Variants in FRMD4A observed in about 807,000 individuals in gnomAD.
The protein encoded by FRMD4A is FERM domain-containing protein 4A.
In FRMD4A, 29 loss-of-function variants were observed where a neutral mutation model predicts 129.1. That is an observed-to-expected ratio of 0.22 (90% CI 0.17 to 0.31). FRMD4A has a LOEUF of 0.31. FRMD4A is among the 10% of genes least tolerant of loss of function. The pLI, the probability that FRMD4A is intolerant of heterozygous loss-of-function variation, is 1.00. For missense variants in FRMD4A, 1,272 were observed against 1,375.8 expected (o/e 0.92, Z 1.19); for synonymous variants, 634 against 571.6 (o/e 1.11, Z -1.56).
intron 8 of FRMD4A, among the ~76,000 whole-genome samples, chr10:13,752,216 T>C (rs1453276265): frequency 2.0e-5 from 3 of 152,226 alleles, no homozygotes; most frequent in Non-Finnish European, 4.4e-5. Flanking sequence ...TGGTGTTTTT[T>C]TCTTTGAGAT....
At chr10:14,086,401 G>A (rs374299084) in intron 2 of FRMD4A, among the ~76,000 whole-genome samples, 75 of 152,236 alleles carry the variant, frequency 4.9e-4, no homozygotes, top group African/African-American at 1.7e-3. Flanking sequence ...ATTTTCATGC[G>A]TTCTAAGAAG....
At chr10:14,055,063 C>A (rs1444471406) in intron 2 of FRMD4A, among the ~76,000 whole-genome samples, 1 of 152,120 alleles carries the variant, frequency 6.6e-6, no homozygotes, top group Non-Finnish European at 1.5e-5. Flanking sequence ...TATCTCAAAG[C>A]CACTTTGCTG....
chr10:13,765,881 C>T (rs112452567), intron 6 of FRMD4A, among the ~76,000 whole-genome samples: 21 of 152,312 alleles, frequency 1.4e-4, no homozygotes, highest in African/African-American at 4.3e-4. Flanking sequence ...TTGGGGTGCA[C>T]TTGTTAGCGT....
chr10:13,770,173 T>C (rs75774111), intron 6 of FRMD4A, among the ~76,000 whole-genome samples: 1,583 of 152,320 alleles, frequency 0.01, 36 homozygotes, highest in African/African-American at 0.036. Context: ...TACGCAAATT[T>C]GCCCCCGGGG....
At chr10:14,003,664 C>A (rs555453251) in intron 2 of FRMD4A, 45 of 2,960 alleles carry the variant, frequency 0.015, no homozygotes, top group African/African-American at 0.07. Context: ...TTCCTGGAGC[C>A]CAAACTACAG....
At chr10:14,287,181 C>T (rs894296116) in intron 2 of FRMD4A, among the ~76,000 whole-genome samples, 1 of 152,122 alleles carries the variant, frequency 6.6e-6, no homozygotes, top group African/African-American at 2.4e-5. Context: ...GGTCATCAGG[C>T]ATGGACCTGC....
intron 18 of FRMD4A, among the ~76,000 whole-genome samples, chr10:13,664,253 T>G (rs555451278): frequency 6.6e-6 from 1 of 152,312 alleles, no homozygotes; most frequent in South Asian, 2.1e-4. Context: ...GCAAGAACCT[T>G]AATTACTCCT....
intron 2 of FRMD4A, among the ~76,000 whole-genome samples, chr10:14,325,453 CCCTCA>C (rs1168216896): frequency 1.3e-5 from 2 of 152,216 alleles, no homozygotes; most frequent in Non-Finnish European, 2.9e-5. Flanking sequence ...TCAACCACTC[CCCTCA>C]CCTCAAATCT....
rs1434632825 is a variant in FRMD4A at position 14,048,832 on chromosome 10, GA to G, written c.46-189921del. On this transcript the variant is annotated intron_variant, in intron 2 of 24. Transcript: ENST00000357447. ...AAATAAAATAGAATAGATTAGAATAGAATAGAATAGAATAGAATAGAATAGA... is the reference window on the plus strand; with the variant it reads ...AAATAAAATAGAATAGATTAGAATAGATAGAATAGAATAGAATAGAATAGA... 1.6e-3 allele frequency among the ~76,000 whole-genome samples: 13 copies of G among 7,994 alleles called. No individual in the cohort carries two copies. The South Asian group carries it at 0.028, about 17-fold the overall frequency. The allele number at this position is 7,994 out of a possible 152,430, so 5.2% of individuals were successfully genotyped here. A position where few individuals can be genotyped will look rare whatever the true frequency, so the allele number is the denominator to read the frequency against.
rs545928470 is a variant in FRMD4A at position 14,013,444 on chromosome 10, G to A, written c.46-154532C>T. Among the ~76,000 whole-genome samples, 5 of 152,286 alleles carry A rather than the reference G, an allele frequency of 3.3e-5. No individual in the cohort carries two copies. The South Asian group carries it at 1.0e-3, about 32-fold the overall frequency. ...TGACCTCACCTCCAGGCTGTAGGAG[G>A]AGGGAGAGGGAAACAAAAGAGGGGT... On this transcript the variant is annotated intron_variant, in intron 2 of 24. Transcript: ENST00000357447.
chr10:13,935,830 T>G (rs187963074), intron 2 of FRMD4A, among the ~76,000 whole-genome samples: 1 of 152,270 alleles, frequency 6.6e-6, no homozygotes. Flanking sequence ...ATGAATTCCC[T>G]CAAAACATGC....
chr10:14,165,989 G>A (rs1031869000), intron 2 of FRMD4A, among the ~76,000 whole-genome samples: 6 of 151,976 alleles, frequency 3.9e-5, no homozygotes, highest in Non-Finnish European at 7.4e-5. Context: ...ACGTATCCAT[G>A]TGCCCCCTGA....
At chr10:14,173,741 C>T (rs1479933387) in intron 2 of FRMD4A, among the ~76,000 whole-genome samples, 1 of 152,086 alleles carries the variant, frequency 6.6e-6, no homozygotes, top group Non-Finnish European at 1.5e-5. Context: ...GGAAATCCTG[C>T]TAAAATATGG....
chr10:13,990,690 C>T lies in FRMD4A; in HGVS notation c.46-131778G>A, dbSNP rs187338616. Among the ~76,000 whole-genome samples, 35 of 152,212 alleles carry T rather than the reference C, an allele frequency of 2.3e-4. 1 individual carries two copies. In the East Asian group the frequency reaches 5.8e-3, roughly 25 times the overall value. ...AACAATGGGAGCCCCAGCAGGCTGG[C>T]GAGGCTGACAAGCCCTAGGACGGTG... On this transcript the variant is annotated intron_variant, in intron 2 of 24. Transcript: ENST00000357447.
At chr10:13,724,961 C>T (rs949609070) in intron 12 of FRMD4A, among the ~76,000 whole-genome samples, 15 of 152,184 alleles carry the variant, frequency 9.9e-5, no homozygotes, top group Non-Finnish European at 1.8e-4. Flanking sequence ...TGAGCACTGG[C>T]TCCACGGGAG....
chr10:14,092,545 G>A (rs1212466931), intron 2 of FRMD4A, among the ~76,000 whole-genome samples: 1 of 152,262 alleles, frequency 6.6e-6, no homozygotes, highest in Non-Finnish European at 1.5e-5. Flanking sequence ...CTTCCACTGT[G>A]TCTTCAGTGC....
chr10:14,133,666 G>A (rs1415135475), intron 2 of FRMD4A, among the ~76,000 whole-genome samples: 3 of 152,206 alleles, frequency 2.0e-5, no homozygotes, highest in African/African-American at 7.2e-5. Context: ...TCTGTTCCCT[G>A]TTCTCACTCC....
intron 2 of FRMD4A, among the ~76,000 whole-genome samples, chr10:13,959,195 A>G (rs1251506379): frequency 2.6e-5 from 4 of 152,128 alleles, no homozygotes; most frequent in Non-Finnish European, 4.4e-5. Context: ...TGAGTGGGCT[A>G]GGTGCGGAGG....
Position 13,851,836 on chromosome 10 carries a change from GT to G in FRMD4A, c.111+7010del, listed in dbSNP as rs947806832. Among the ~76,000 whole-genome samples the G allele has an allele frequency of 1.4e-4, 21 of 151,492 alleles. 1 individual carries two copies. The highest frequency in any genetic ancestry group is 1.5e-5 in the Non-Finnish European group (1 of 67,938). ...AATCGCTTGAACTCAGGAGGCGAAGGTTACAGTGAGCTGAGATTGCACCACT... is the reference window on the plus strand; with the variant it reads ...AATCGCTTGAACTCAGGAGGCGAAGGTACAGTGAGCTGAGATTGCACCACT... On this transcript the variant is annotated intron_variant, in intron 3 of 24. Transcript: ENST00000357447.
Sources: allele counts gnomAD v4.1 joint callset (sites outside exome capture counted in the v4.1 genomes callset), GRCh38; gene constraint gnomAD v4.1.1; transcripts MANE v1.5; gene names NCBI Gene and HGNC (gene_info 2026-07-23, HGNC 2026-07-21).